ZNF219: variants seen among roughly 807,000 people sequenced by gnomAD.
The protein encoded by ZNF219 is zinc finger protein 219.
A neutral mutation model predicts 54.4 loss-of-function variants in ZNF219; 17 were observed. That is an observed-to-expected ratio of 0.31 (90% CI 0.21 to 0.47). The LOEUF is 0.47. Among genes scored for constraint, ZNF219 ranks in the 20% least tolerant of loss-of-function variants. ZNF219 has a pLI of 1.00. For synonymous variants in ZNF219, 518 were observed against 476.4 expected, an observed-to-expected ratio of 1.09 and a Z score of -1.14; for missense variants, 1,014 against 1,062.3, an observed-to-expected ratio of 0.95 and a Z score of 0.63.
At chr14:21,102,059 T>C (rs1889672535), upstream of ZNF219, 1 of 1,551,344 alleles carries the variant, frequency 6.4e-7, no homozygotes, top group Non-Finnish European at 8.7e-7. Context: ...CTTCTCACCA[T>C]TCAGGGTCTC....
chr14:21,092,085 G>C lies in ZNF219; in HGVS notation c.1212C>G (p.Phe404Leu). 1 of 1,537,262 alleles carries C rather than the reference G, an allele frequency of 6.5e-7. No individual in the cohort carries two copies. Among genetic ancestry groups the C allele is most frequent in the Non-Finnish European group, 8.8e-7 (1 of 1,142,036 alleles). The change falls in exon 3 of 5, where the codon TTC becomes TTG. Residue 404 changes from phenylalanine (F) to leucine (L), a missense_variant. Coordinates refer to ENST00000360947, the MANE Select transcript of ZNF219 (RefSeq NM_016423.3). Reference protein sequence around the residue: ...EGAEPGPGRSFGGFRPLSSAL... With the variant: ...EGAEPGPGRSLGGFRPLSSAL... ...CAGAGGACAGCGGGCGGAAGCCTCC[G>C]AAGCTGCGGCCGGGACCGGGCTCAG...
rs1048892886 is a variant in ZNF219 at position 21,092,229 on chromosome 14, C to A, written c.1068G>T (p.Pro356=). The change falls in exon 3 of 5, where the codon CCG becomes CCT. Residue 356 remains proline, a synonymous_variant. Coordinates refer to ENST00000360947, the MANE Select transcript of ZNF219 (RefSeq NM_016423.3). ...PPDLGLLAYE[P]LGPALLLAPA... ...GGGCCAAGAGGAGCGCTGGGCCCAA[C>A]GGCTCATAGGCCAGCAGGCCGAGGT... 29 of 1,448,658 alleles carry A rather than the reference C, an allele frequency of 2.0e-5. No homozygotes were observed. Among genetic ancestry groups the A allele is most frequent in the Non-Finnish European group, 2.6e-5 (29 of 1,106,348 alleles). The allele number at this position is 1,448,658 out of a possible 1,614,324, so 89.7% of individuals were successfully genotyped here.
Position 21,090,407 on chromosome 14 carries a change from C to T in ZNF219, c.*129G>A. The T allele has an allele frequency of 8.3e-6, 11 of 1,326,130 alleles. No homozygotes were observed. The highest frequency in any genetic ancestry group is 1.1e-5 in the Non-Finnish European group (11 of 980,356). 82.1% of individuals were successfully genotyped at this position (1,326,130 alleles called of 1,614,324 possible). ...CCTCCTACGCCCGCCGCGCCTTCCA[C>T]CTCTGGTCCGCCTGGGGCTGGGATA... On this transcript the variant is annotated 3_prime_UTR_variant, in exon 5 of 5. Transcript: ENST00000360947. The surrounding 1 kb of genome is among the most constrained non-coding windows in gnomAD (Gnocchi z 4.4).
intron 3 of ZNF219, 25 bp downstream of exon 3, chr14:21,091,840 C>G (rs1048595795): frequency 2.7e-6 from 4 of 1,494,174 alleles, no homozygotes; most frequent in Middle Eastern, 2.1e-4. Flanking sequence ...GCGGCGTACC[C>G]GGAGAGCGGA....
chr14:21,101,592 G>A (rs979849826), upstream of ZNF219: 3 of 792,324 alleles, frequency 3.8e-6, no homozygotes, highest in African/African-American at 3.5e-5. Context: ...GGAGGGTAGA[G>A]GAAAACATAG....
upstream of ZNF219, chr14:21,102,346 G>C (rs963995244): frequency 6.5e-7 from 1 of 1,532,742 alleles, no homozygotes; most frequent in Non-Finnish European, 8.8e-7. Flanking sequence ...GCTGCAAGTG[G>C]GGATTGAGGT....
chr14:21,102,837 C>G, upstream of ZNF219: 1 of 1,526,318 alleles, frequency 6.6e-7, no homozygotes, highest in Non-Finnish European at 8.8e-7. Flanking sequence ...TTTCCACTGC[C>G]TATCCTGGTC....
upstream of ZNF219, chr14:21,101,497 A>T: frequency 6.7e-7 from 1 of 1,498,598 alleles, no homozygotes; most frequent in Non-Finnish European, 9.1e-7. Context: ...GTCCACTTCT[A>T]CCCAATTCAA....
rs1299729218 is a variant in ZNF219, at chr14:21,093,152, C to T, written c.145G>A (p.Glu49Lys). 6.2e-7 allele frequency: 1 copy of T among 1,610,508 alleles called. No homozygotes were observed. Among genetic ancestry groups the T allele is most frequent in the Non-Finnish European group, 8.5e-7 (1 of 1,179,380 alleles). The change falls in exon 3 of 5, where the codon GAG becomes AAG. Residue 49 changes from glutamate (E) to lysine (K), a missense_variant. Transcript: ENST00000360947. ...SLGMGAVSWS[E>K]SRAGERRFPC... ...AAGCGCCGTTCGCCTGCACGACTCT[C>T]AGACCAGCTCACCGCTCCCATCCCG...
Position 21,093,632 on chromosome 14 carries a change from AGAG to A in ZNF219, c.-44_-42del. On this transcript the variant is annotated 5_prime_UTR_variant, in exon 2 of 5. Coordinates refer to ENST00000360947, the MANE Select transcript of ZNF219 (RefSeq NM_016423.3). ...TCTTTGGTTCTGGGAAGTGCAGGGA[AGAG>A]GAGGAAAAGCTGCTAATGAAGGCAA... The A allele has an allele frequency of 1.9e-6, 3 of 1,614,154 alleles. No individual in the cohort carries two copies. Among genetic ancestry groups the A allele is most frequent in the Non-Finnish European group, 1.7e-6 (2 of 1,180,004 alleles).
intron 1 of ZNF219, chr14:21,104,086 C>G (rs1046329162): frequency 6.6e-6 from 1 of 152,422 alleles, no homozygotes; most frequent in African/African-American, 2.4e-5. Context: ...CTCGTCCCCT[C>G]CCCTAGGGCC....
chr14:21,092,593 G>GGAGGCTGAGGCT lies in ZNF219; in HGVS notation c.692_703dup (p.Gln231_Pro234dup), dbSNP rs3841049. The stretch of plus-strand genomic sequence containing the variant: ...GACTGATCTGGGTTCGGGCTGGGGT[G>GGAGGCTGAGGCT]GAGGCTGAGGCTGAGGCTGAGGCGG... On this transcript the variant is annotated inframe_insertion, in exon 3 of 5. Transcript: ENST00000360947. 3.2e-6 allele frequency: 5 copies of GGAGGCTGAGGCT among 1,547,534 alleles called. No individual in the cohort carries two copies. Among genetic ancestry groups the GGAGGCTGAGGCT allele is most frequent in the Non-Finnish European group, 2.6e-6 (3 of 1,147,938 alleles).
chr14:21,092,063 A>G lies in ZNF219; in HGVS notation c.1234T>C (p.Ser412Pro). 6.5e-7 allele frequency: 1 copy of G among 1,541,710 alleles called. No individual in the cohort carries two copies. The highest frequency in any genetic ancestry group is 8.7e-7 in the Non-Finnish European group (1 of 1,143,670). ...CGGCGAGCCCGGGCCGGGAGAGCAG[A>G]GGACAGCGGGCGGAAGCCTCCGAAG... ...RSFGGFRPLSSALPARARRHR... is the reference protein window; with the variant it reads ...RSFGGFRPLSPALPARARRHR... Residue 412 changes from serine (S) to proline (P), a missense_variant, in exon 3 of 5, where the codon TCT (serine) becomes CCT (proline). By Grantham distance (74) the Ser-to-Pro change is moderately conservative. This residue lies in a region of ZNF219 where 272 missense variants were observed against 248.9 expected (regional missense o/e 1.09). Transcript: ENST00000360947.
chr14:21,091,191 C>T, intron 4 of ZNF219, 51 bp from the exon 5 acceptor site: 1 of 1,549,942 alleles, frequency 6.5e-7, no homozygotes, highest in Non-Finnish European at 8.7e-7. Context: ...ACTGCACGCA[C>T]CCACCCGAAT....
chr14:21,099,897 C>T (rs1889528677), upstream of ZNF219, among the ~76,000 whole-genome samples: 1 of 152,108 alleles, frequency 6.6e-6, no homozygotes, highest in Admixed American at 6.5e-5. Flanking sequence ...AAATGTGTCC[C>T]CAGCTTCCTT....
chr14:21,090,811 G>C lies in ZNF219; in HGVS notation c.1894C>G (p.Arg632Gly). The C allele has an allele frequency of 6.4e-7, 1 of 1,567,498 alleles. No individual in the cohort carries two copies. Among genetic ancestry groups the C allele is most frequent in the South Asian group, 1.2e-5 (1 of 85,686 alleles). The change falls in exon 5 of 5, where the codon CGG (arginine) becomes GGG (glycine). Residue 632 changes from arginine (R) to glycine (G), a missense_variant. Arg to Gly is a moderately radical substitution (Grantham distance 125). This residue lies in a region of ZNF219 where 281 missense variants were observed against 271.2 expected (regional missense o/e 1.04). Coordinates refer to ENST00000360947, the MANE Select transcript of ZNF219 (RefSeq NM_016423.3). This position sits in a 1 kb window ranked among gnomAD's most constrained non-coding sequence, Gnocchi z 4.4. ...GEAEPLDLSL[R>G]AGPGGEAGPG... ...CCGGCCTCGCCTCCCGGCCCTGCCC[G>C]CAAGGACAGGTCCAGGGGTTCGGCC...
chr14:21,097,898 G>A lies in ZNF219; in HGVS notation c.-84+414C>T, dbSNP rs1256309311. 7.9e-5 allele frequency among the ~76,000 whole-genome samples: 12 copies of A among 151,782 alleles called. No individual in the cohort carries two copies. The East Asian group carries it at 1.4e-3, about 17-fold the overall frequency. On this transcript the variant is annotated intron_variant, in intron 1 of 4. Transcript: ENST00000360947. ...CCCACCAGCCCTACCTGGGCCGGGG[G>A]TTGGGGGGTGCACATCCACTCAGGC...
Position 21,092,474 on chromosome 14 carries a change from G to C in ZNF219, c.823C>G (p.Arg275Gly). ...PEEPPAPPEF[R>G]CQVCGQSFTQ... is the part of the protein sequence containing the mutation. ...AAGCTCTGGCCGCACACTTGGCAGCGGAACTCCGGAGGCGCTGGGGGCTCC... is the reference window on the plus strand; with the variant it reads ...AAGCTCTGGCCGCACACTTGGCAGCCGAACTCCGGAGGCGCTGGGGGCTCC... The change falls in exon 3 of 5, where the codon CGC (arginine) becomes GGC (glycine). Residue 275 changes from arginine (R) to glycine (G), a missense_variant. Coordinates refer to ENST00000360947, the MANE Select transcript of ZNF219 (RefSeq NM_016423.3). 6.4e-7 allele frequency: 1 copy of C among 1,555,014 alleles called. No homozygotes were observed. The highest frequency in any genetic ancestry group is 8.7e-7 in the Non-Finnish European group (1 of 1,149,350).
In ZNF219 at chr14:21,091,968, G is replaced by T. The variant is rs1429806611; in HGVS notation, c.1329C>A (p.Gly443=). ...GGGAAGCCAGAGAGCCCAGCGACCT[G>T]CCCCGGGCCCAGGTTTCCTCCTCGG... ...VEAEEETWAR[G]RSLGSLASLH... The change falls in exon 3 of 5, where the codon GGC becomes GGA. Residue 443 remains glycine, a synonymous_variant. Coordinates refer to ENST00000360947, the MANE Select transcript of ZNF219 (RefSeq NM_016423.3). 2 of 1,578,386 alleles carry T rather than the reference G, an allele frequency of 1.3e-6. No homozygotes were observed. Among genetic ancestry groups the T allele is most frequent in the Non-Finnish European group, 1.7e-6 (2 of 1,162,672 alleles).
Sources: allele counts gnomAD v4.1 joint callset (sites outside exome capture counted in the v4.1 genomes callset), GRCh38; gene constraint gnomAD v4.1.1; regional missense constraint gnomAD v4.1.1; non-coding constraint Gnocchi (gnomAD v3.1); transcripts MANE v1.5; gene names NCBI Gene and HGNC (gene_info 2026-07-23, HGNC 2026-07-21).